UGT1A10: variants seen among roughly 807,000 people sequenced by gnomAD.
The protein encoded by UGT1A10 is UDP glucuronosyltransferase family 1 member A10.
In UGT1A10, 49 loss-of-function variants were observed where a neutral mutation model predicts 45.8. The observed-to-expected ratio is 1.07, with a 90% CI of 0.85 to 1.36. The LOEUF is 1.36. Ranked by LOEUF, UGT1A10 falls within the 40% of genes most tolerant of loss-of-function variation. UGT1A10 has a pLI of 0.00. For missense variants in UGT1A10, 745 were observed against 668.6 expected, an observed-to-expected ratio of 1.11 and a Z score of -1.26; for synonymous variants, 284 against 249.7, an observed-to-expected ratio of 1.14 and a Z score of -1.29.
chr2:233,641,446 A>T (rs1490437430), intron 1 of UGT1A10, among the ~76,000 whole-genome samples: 1 of 152,214 alleles, frequency 6.6e-6, no homozygotes, highest in Non-Finnish European at 1.5e-5. Context: ...TTTCATTTAT[A>T]TCTTGTTGTA....
chr2:233,672,069 G>A, intron 1 of UGT1A10: 2 of 1,614,108 alleles, frequency 1.2e-6, no homozygotes, highest in Non-Finnish European at 1.7e-6. Flanking sequence ...GGTCGGTGGT[G>A]GAGAAACTCA....
At chr2:233,692,391 G>A (rs931461847) in intron 1 of UGT1A10, 4 of 155,450 alleles carry the variant, frequency 2.6e-5, no homozygotes, top group Non-Finnish European at 4.3e-5. Context: ...CAAGAAAGAG[G>A]GTGTGTGAAC....
intron 1 of UGT1A10, among the ~76,000 whole-genome samples, chr2:233,665,862 C>T (rs1575411148): frequency 1.3e-5 from 2 of 152,108 alleles, no homozygotes; most frequent in African/African-American, 2.4e-5. Context: ...ATTTGCCAGA[C>T]AATATTTACA....
intron 1 of UGT1A10, among the ~76,000 whole-genome samples, chr2:233,646,544 C>G (rs750991428): frequency 2.6e-5 from 4 of 152,178 alleles, no homozygotes; most frequent in African/African-American, 7.2e-5. Flanking sequence ...ATTTCTCACA[C>G]CAGTTACCCT....
chr2:233,660,734 T>G (rs958910392), intron 1 of UGT1A10, among the ~76,000 whole-genome samples: 1 of 152,150 alleles, frequency 6.6e-6, no homozygotes, highest in Non-Finnish European at 1.5e-5. Context: ...ATAAATGTCT[T>G]TTGTGGCATT....
intron 1 of UGT1A10, chr2:233,747,278 C>T (rs925407656): frequency 6.3e-6 from 10 of 1,599,168 alleles, no homozygotes; most frequent in Non-Finnish European, 8.5e-6. Flanking sequence ...CTTCTCAGTG[C>T]CCAGCCCTGG....
intron 1 of UGT1A10, chr2:233,713,171 C>G (rs1260839534): frequency 1.2e-6 from 2 of 1,614,088 alleles, no homozygotes; most frequent in Non-Finnish European, 8.5e-7. Flanking sequence ...AGGTGGTGGT[C>G]CTCACCCTGG....
intron 1 of UGT1A10, chr2:233,719,027 C>A: frequency 1.2e-6 from 2 of 1,614,228 alleles, no homozygotes; most frequent in South Asian, 1.1e-5. Flanking sequence ...ATATGCACAT[C>A]AAAGAAGAGA....
chr2:233,661,843 C>A (rs1343861559), intron 1 of UGT1A10, among the ~76,000 whole-genome samples: 2 of 151,824 alleles, frequency 1.3e-5, no homozygotes, highest in Non-Finnish European at 2.9e-5. Context: ...ACTAGCGACA[C>A]TTTGTATGGG....
intron 1 of UGT1A10, among the ~76,000 whole-genome samples, chr2:233,728,297 G>C (rs1288771373): frequency 6.6e-6 from 1 of 152,214 alleles, no homozygotes; most frequent in Non-Finnish European, 1.5e-5. Context: ...GAGGAATTCA[G>C]ACTGTGCAAG....
At chr2:233,720,787 C>G (rs369291144) in intron 1 of UGT1A10, among the ~76,000 whole-genome samples, 1 of 151,128 alleles carries the variant, frequency 6.6e-6, no homozygotes, top group Non-Finnish European at 1.5e-5. Flanking sequence ...CTCACTGCAA[C>G]CTTCACCTCC....
At chr2:233,684,170 G>A (rs6724485) in intron 1 of UGT1A10, among the ~76,000 whole-genome samples, 59,176 of 151,910 alleles carry the variant, frequency 0.39, 11,712 homozygotes, top group South Asian at 0.45. Flanking sequence ...TCTCATATTG[G>A]CAGATGTTTG....
intron 1 of UGT1A10, chr2:233,743,737 C>T: frequency 7.3e-7 from 1 of 1,367,416 alleles, no homozygotes. Flanking sequence ...TATCGCGTTT[C>T]TTGGCGTCCG....
intron 1 of UGT1A10, among the ~76,000 whole-genome samples, chr2:233,696,404 G>C (rs1446347115): frequency 4.6e-5 from 7 of 152,118 alleles, no homozygotes; most frequent in Non-Finnish European, 8.8e-5. Flanking sequence ...TTGTAAATGG[G>C]GTTGATTTCC....
chr2:233,690,040 GC>G, intron 1 of UGT1A10: 1 of 416,166 alleles, frequency 2.4e-6, no homozygotes, highest in South Asian at 1.8e-5. Context: ...TGGGCCCAGA[GC>G]ATTCTGACTT....
chr2:233,705,447 A>C (rs1211589055), intron 1 of UGT1A10, among the ~76,000 whole-genome samples: 1 of 152,206 alleles, frequency 6.6e-6, no homozygotes, highest in Admixed American at 6.5e-5. Context: ...TCAGAATTGC[A>C]CATATTTTTT....
intron 1 of UGT1A10, among the ~76,000 whole-genome samples, chr2:233,653,409 G>T (rs1305797613): frequency 6.6e-6 from 1 of 152,022 alleles, no homozygotes; most frequent in Non-Finnish European, 1.5e-5. Flanking sequence ...TAAAGTAATA[G>T]GTTAAAAAAG....
Position 233,720,632 on chromosome 2 carries a change from G to A in UGT1A10, c.856-46402G>A, listed in dbSNP as rs527749966. 4.6e-5 allele frequency among the ~76,000 whole-genome samples: 7 copies of A among 151,594 alleles called. No homozygotes were observed. In the South Asian group the frequency reaches 1.3e-3, roughly 27 times the overall value. ...AGAATATTTGGGTTTCATTGAAATA[G>A]TACTCTGGGATGTGAAAAACCAAAT... On this transcript the variant is annotated intron_variant, in intron 1 of 4. Coordinates refer to ENST00000344644, the MANE Select transcript of UGT1A10 (RefSeq NM_019075.4).
At chr2:233,718,832 A>G (rs1187476814) in intron 1 of UGT1A10, 1 of 1,613,166 alleles carries the variant, frequency 6.2e-7, no homozygotes, top group African/African-American at 1.3e-5. Context: ...TGGCCAGAGG[A>G]CTCCAGGTTC....
Sources: gnomAD v4.1 joint callset for allele counts (sites outside exome capture counted in the v4.1 genomes callset) on GRCh38, gnomAD v4.1.1 for gene constraint, MANE v1.5 for transcripts, NCBI Gene and HGNC (gene_info 2026-07-23, HGNC 2026-07-21) for gene names.